The following GPD2 variants were observed in gnomAD, a reference collection of about 807,000 sequenced individuals.
The protein encoded by GPD2 is glycerol-3-phosphate dehydrogenase 2, also known as glycerol-3-phosphate dehydrogenase, mitochondrial.
In GPD2, 54 loss-of-function variants were observed where a neutral mutation model predicts 82.4. The ratio of observed to expected loss-of-function variants is 0.66; its 90% CI spans 0.53 to 0.82. The LOEUF (loss-of-function observed/expected upper bound fraction) is 0.82. Ranked by LOEUF, GPD2 falls within the 40% of genes least tolerant of loss-of-function variation. The probability of loss-of-function intolerance (pLI) is 0.00; values close to 1 mark genes in which losing one functional copy is unlikely to be tolerated. For missense variants in GPD2, 748 were observed against 896.2 expected, an observed-to-expected ratio of 0.83 and a Z score of 2.11; for synonymous variants, 288 against 306.1, an observed-to-expected ratio of 0.94 and a Z score of 0.62.
the GPD2 span, among the ~76,000 whole-genome samples, chr2:156,415,847 G>T: frequency 6.6e-6 from 1 of 151,476 alleles, no homozygotes; most frequent in South Asian, 2.1e-4. Context: ...AATAGCGAAA[G>T]TCCGTCTCCA....
intron 2 of GPD2, among the ~76,000 whole-genome samples, chr2:156,486,013 T>C (rs562636466): frequency 1.1e-4 from 16 of 152,320 alleles, no homozygotes; most frequent in Middle Eastern, 3.4e-3. Flanking sequence ...TATAACTAAA[T>C]TTGTGGGAAT....
intron 6 of GPD2, among the ~76,000 whole-genome samples, chr2:156,532,963 A>G (rs1387964179): frequency 6.6e-6 from 1 of 152,196 alleles, no homozygotes; most frequent in South Asian, 2.1e-4. Flanking sequence ...TAGAAGAGCT[A>G]TGTCAGCAGG....
intron 1 of GPD2, among the ~76,000 whole-genome samples, chr2:156,461,930 G>A (rs1471186507): frequency 1.3e-5 from 2 of 152,020 alleles, no homozygotes; most frequent in Admixed American, 6.6e-5. Flanking sequence ...GGTCCTTCAC[G>A]GATACTTTCC....
intron 3 of GPD2, chr2:156,501,847 T>A (rs1195957998): frequency 1.2e-5 from 2 of 169,244 alleles, no homozygotes; most frequent in East Asian, 3.8e-4. Flanking sequence ...CTGTGAGATT[T>A]ACTAGACTGA....
At chr2:156,513,976 A>T (rs192929037) in intron 6 of GPD2, among the ~76,000 whole-genome samples, 1,797 of 152,366 alleles carry the variant, frequency 0.012, 22 homozygotes, top group Middle Eastern at 0.017. Flanking sequence ...TGCACAGGAC[A>T]CAATTCTTGA....
chr2:156,511,446 G>T (rs372529608), intron 4 of GPD2, among the ~76,000 whole-genome samples: 4 of 152,134 alleles, frequency 2.6e-5, no homozygotes, highest in East Asian at 1.9e-4. Flanking sequence ...ATTTCCCAGA[G>T]GGGTAAAAAA....
chr2:156,538,243 C>T lies in GPD2; in HGVS notation c.662-11365C>T, dbSNP rs139462838. Among the ~76,000 whole-genome samples the T allele has an allele frequency of 3.9e-3, 600 of 152,188 alleles. 5 individuals are homozygous for T. Among genetic ancestry groups the T allele is most frequent in the African/African-American group, 0.014 (577 of 41,520 alleles). On this transcript the variant is annotated intron_variant, in intron 6 of 16. Transcript: ENST00000438166. ...GTTTTATTATTTCGCTTAGGGTGATCGGGCTCTGGTAAATTGATTGGCACT... is the reference window on the plus strand; with the variant it reads ...GTTTTATTATTTCGCTTAGGGTGATTGGGCTCTGGTAAATTGATTGGCACT...
At chr2:156,517,132 A>G (rs1162068486) in intron 6 of GPD2, among the ~76,000 whole-genome samples, 1 of 152,130 alleles carries the variant, frequency 6.6e-6, no homozygotes, top group Admixed American at 6.6e-5. Context: ...CCAACATTTT[A>G]TATATTTTTT....
At chr2:156,525,743 C>G (rs924059372) in intron 6 of GPD2, among the ~76,000 whole-genome samples, 5 of 152,120 alleles carry the variant, frequency 3.3e-5, no homozygotes, top group Admixed American at 1.3e-4. Context: ...TATGTCACCA[C>G]TTAATACAAC....
chr2:156,581,565 T>C (rs1347322027), intron 16 of GPD2, among the ~76,000 whole-genome samples: 1 of 152,138 alleles, frequency 6.6e-6, no homozygotes, highest in Non-Finnish European at 1.5e-5. Flanking sequence ...TTTGAAGGGT[T>C]TTTTTAGTTT....
intron 9 of GPD2, among the ~76,000 whole-genome samples, chr2:156,558,412 T>A (rs1198564391): frequency 6.6e-6 from 1 of 152,216 alleles, no homozygotes; most frequent in Non-Finnish European, 1.5e-5. Flanking sequence ...AACAGTTGCA[T>A]TGGCCCCACA....
chr2:156,567,351 A>T (rs1687429820), intron 9 of GPD2, among the ~76,000 whole-genome samples: 1 of 151,946 alleles, frequency 6.6e-6, no homozygotes, highest in South Asian at 2.1e-4. Context: ...TAGGCCTTTG[A>T]TGCATTATGA....
intron 6 of GPD2, among the ~76,000 whole-genome samples, chr2:156,533,986 T>C (rs1256017913): frequency 6.6e-6 from 1 of 152,234 alleles, no homozygotes; most frequent in Non-Finnish European, 1.5e-5. Context: ...AGCTAAAGCG[T>C]TAACCAGCTC....
the GPD2 span, among the ~76,000 whole-genome samples, chr2:156,407,054 A>T: frequency 5.9e-5 from 9 of 152,162 alleles, no homozygotes; most frequent in Non-Finnish European, 1.3e-4. Context: ...CTACTAAAAA[A>T]TACAAAAATT....
At chr2:156,545,638 T>C (rs1172508689) in intron 6 of GPD2, among the ~76,000 whole-genome samples, 2 of 152,242 alleles carry the variant, frequency 1.3e-5, no homozygotes, top group Non-Finnish European at 2.9e-5. Flanking sequence ...TTTAAAAGTA[T>C]GCTATATTGA....
intron 16 of GPD2, among the ~76,000 whole-genome samples, chr2:156,580,631 A>G (rs1434412946): frequency 1.3e-5 from 2 of 152,216 alleles, no homozygotes; most frequent in African/African-American, 4.8e-5. Flanking sequence ...CATGAAATAA[A>G]TTAATGCTGG....
At chr2:156,517,273 T>C (rs1254122205) in intron 6 of GPD2, among the ~76,000 whole-genome samples, 1 of 152,236 alleles carries the variant, frequency 6.6e-6, no homozygotes, top group Non-Finnish European at 1.5e-5. Context: ...TACTTTTTGA[T>C]GTAGTAATTA....
At chr2:156,403,590 A>G in the GPD2 span, among the ~76,000 whole-genome samples, 1 of 147,074 alleles carries the variant, frequency 6.8e-6, no homozygotes, top group Non-Finnish European at 1.5e-5. Context: ...ATTTTGTTAC[A>G]TGTAGCCAAA....
chr2:156,571,492 G>A (rs893526168), intron 13 of GPD2, among the ~76,000 whole-genome samples, 200 bp downstream of exon 13: 1 of 152,040 alleles, frequency 6.6e-6, no homozygotes, highest in African/African-American at 2.4e-5. Flanking sequence ...AAAATCTCTT[G>A]TAGAAAATGC....
Sources: gnomAD v4.1 joint callset for allele counts (sites outside exome capture counted in the v4.1 genomes callset) on GRCh38, gnomAD v4.1.1 for gene constraint, MANE v1.5 for transcripts, NCBI Gene and HGNC (gene_info 2026-07-23, HGNC 2026-07-21) for gene names.